The following AAMP variants were observed in gnomAD, a reference collection of about 807,000 sequenced individuals.
The protein encoded by AAMP is angio-associated migratory cell protein.
In AAMP, 12 loss-of-function variants were observed where a neutral mutation model predicts 51.1. The observed-to-expected ratio is 0.23, with a 90% CI of 0.15 to 0.38. The LOEUF (loss-of-function observed/expected upper bound fraction) is 0.38. Ranked by LOEUF, AAMP falls within the 10% of genes least tolerant of loss-of-function variation. AAMP has a pLI of 1.00. For missense variants in AAMP, 418 were observed against 557.2 expected (o/e 0.75, Z 2.52); for synonymous variants, 210 against 218.7 (o/e 0.96, Z 0.35).
At position 218,265,659 on chromosome 2, in the gene AAMP, C is replaced by T; in HGVS notation, c.903G>A (p.Glu301=). The T allele has an allele frequency of 6.2e-7, 1 of 1,613,348 alleles. No individual in the cohort carries two copies. ...TGKVVGVFRP[E]TVASQPSLGE... ...CCAGGCTGGGCTGGGAGGCCACAGTCTCAGGTCTAAAAACACCCACCACCT... is the reference window on the plus strand; with the variant it reads ...CCAGGCTGGGCTGGGAGGCCACAGTTTCAGGTCTAAAAACACCCACCACCT... The change falls in exon 8 of 11, where the codon GAG becomes GAA. Residue 301 remains glutamate, a synonymous_variant. Coordinates refer to ENST00000248450, the MANE Select transcript of AAMP (RefSeq NM_001087.5). The surrounding 1 kb of genome is among the most constrained non-coding windows in gnomAD (Gnocchi z 6.6).
chr2:218,264,720 G>C (rs575502832), intron 10 of AAMP, 112 bp from the exon 11 acceptor site: 2 of 969,990 alleles, frequency 2.1e-6, no homozygotes, highest in East Asian at 4.9e-5. Context: ...CTAGTGCCTA[G>C]CACTGGGCCG....
chr2:218,269,908 G>A lies in AAMP; in HGVS notation c.121+58C>T. 6 of 1,609,296 alleles carry A rather than the reference G, an allele frequency of 3.7e-6. No homozygotes were observed. The South Asian group carries it at 4.4e-5, about 12-fold the overall frequency. ...TGGAGGGGAGCGGGGAAAAGCAGGA[G>A]TCAGAGGCCAGGGGTGAGCGTCTCC... On this transcript the variant is annotated intron_variant, in intron 1 of 10. Transcript: ENST00000248450.
At chr2:218,268,026 T>C (rs1442840204) in intron 2 of AAMP, among the ~76,000 whole-genome samples, 1 of 152,178 alleles carries the variant, frequency 6.6e-6, no homozygotes, top group Non-Finnish European at 1.5e-5. Flanking sequence ...TGGAGTGCAG[T>C]GGCACAATCT....
Position 218,267,018 on chromosome 2 carries a change from A to G in AAMP, c.395-32T>C. 6.2e-7 allele frequency: 1 copy of G among 1,609,794 alleles called. No homozygotes were observed. The highest frequency in any genetic ancestry group is 2.2e-5 in the East Asian group (1 of 44,752). ...AGAAAAGTGGGCAGAAAACAGAGGAAAAAAATAGGGTACCTGGTGCTGGGG... is the reference window on the plus strand; with the variant it reads ...AGAAAAGTGGGCAGAAAACAGAGGAGAAAAATAGGGTACCTGGTGCTGGGG... On this transcript the variant is annotated intron_variant, in intron 3 of 10. Coordinates refer to ENST00000248450, the MANE Select transcript of AAMP (RefSeq NM_001087.5). This position sits in a 1 kb window ranked among gnomAD's most constrained non-coding sequence, Gnocchi z 4.6.
chr2:218,270,049 G>A lies in AAMP; in HGVS notation c.38C>T (p.Thr13Ile), dbSNP rs1407808845. The change falls in exon 1 of 11, where the codon ACC becomes ATC. Residue 13 changes from threonine to isoleucine, a missense_variant. Thr to Ile is a moderately conservative substitution (Grantham distance 89). Coordinates refer to ENST00000248450, the MANE Select transcript of AAMP (RefSeq NM_001087.5). ...SESESGAAAD[T>I]PPLETLSFHG... ...GAAGCTTAGGGTCTCCAGTGGGGGGGTGTCAGCAGCAGCCCCGCTTTCCGA... is the reference window on the plus strand; with the variant it reads ...GAAGCTTAGGGTCTCCAGTGGGGGGATGTCAGCAGCAGCCCCGCTTTCCGA... The A allele has an allele frequency of 6.2e-7, 1 of 1,614,124 alleles. No individual in the cohort carries two copies. The highest frequency in any genetic ancestry group is 1.1e-5 in the South Asian group (1 of 91,084).
In AAMP at chr2:218,267,284, C is replaced by T. The variant is rs1690657403; in HGVS notation, c.394+210G>A. The T allele has an allele frequency of 1.3e-6, 1 of 771,304 alleles. No individual in the cohort carries two copies. Among genetic ancestry groups the T allele is most frequent in the Non-Finnish European group, 2.1e-6 (1 of 485,256 alleles). 47.8% of individuals were successfully genotyped at this position (771,304 alleles called of 1,614,324 possible). A position where few individuals can be genotyped will look rare whatever the true frequency, so the allele number is the denominator to read the frequency against. On this transcript the variant is annotated intron_variant, in intron 3 of 10. Coordinates refer to ENST00000248450, the MANE Select transcript of AAMP (RefSeq NM_001087.5). The surrounding 1 kb of genome is among the most constrained non-coding windows in gnomAD (Gnocchi z 4.6). ...CTATACCAATGTGGCCTTCTCTGGC[C>T]TTTCCTGGATTCCCTTGGCCAATTA...
At position 218,266,431 on chromosome 2, in the gene AAMP, A is replaced by G. The variant is rs1458274717; in HGVS notation, c.679+12T>C. The G allele has an allele frequency of 6.2e-7, 1 of 1,612,948 alleles. No homozygotes were observed. Among genetic ancestry groups the G allele is most frequent in the African/African-American group, 1.3e-5 (1 of 75,006 alleles). On this transcript the variant is annotated intron_variant, in intron 5 of 10. Coordinates refer to ENST00000248450, the MANE Select transcript of AAMP (RefSeq NM_001087.5). This position sits in a 1 kb window ranked among gnomAD's most constrained non-coding sequence, Gnocchi z 4.7. ...GCACCCAGGAAAGGTCACTCAAGGG[A>G]GGTGCTCTCACCATCAGGGAGGACT...
Position 218,266,474 on chromosome 2 carries a change from G to C in AAMP, c.648C>G (p.Cys216Trp), listed in dbSNP as rs749002829. ...GGAGGACTCGGCCACAGGTGGCTGG[G>C]CAGTTGGGACCCTGGAAGGTCTTGC... ...GDCKTFQGPN[C>W]PATCGRVLPD... The change falls in exon 5 of 11, where the codon TGC (cysteine) becomes TGG (tryptophan). Residue 216 changes from cysteine (C) to tryptophan (W), a missense_variant. By Grantham distance (215) the Cys-to-Trp change is radical. Transcript: ENST00000248450. The surrounding 1 kb of genome is among the most constrained non-coding windows in gnomAD (Gnocchi z 4.7). The C allele has an allele frequency of 1.2e-6, 2 of 1,614,116 alleles. No homozygotes were observed. Among genetic ancestry groups the C allele is most frequent in the Non-Finnish European group, 1.7e-6 (2 of 1,179,994 alleles).
Position 218,270,097 on chromosome 2 carries a change from C to A in AAMP, c.-11G>T, listed in dbSNP as rs1439578035. ...CGATTCGGACTCCATGCGGCGCAAGCGGCGGATCCACTTCTCTGGGCCCAA... is the reference window on the plus strand; with the variant it reads ...CGATTCGGACTCCATGCGGCGCAAGAGGCGGATCCACTTCTCTGGGCCCAA... On this transcript the variant is annotated 5_prime_UTR_variant, in exon 1 of 11. Transcript: ENST00000248450. 3 of 1,613,434 alleles carry A rather than the reference C, an allele frequency of 1.9e-6. No homozygotes were observed. Among genetic ancestry groups the A allele is most frequent in the Non-Finnish European group, 2.5e-6 (3 of 1,179,708 alleles).
rs745982174 is a variant in AAMP at position 218,266,600 on chromosome 2, GA to G, written c.535-14del. On this transcript the variant is annotated splice_polypyrimidine_tract_variant and intron_variant, in intron 4 of 10. Coordinates refer to ENST00000248450, the MANE Select transcript of AAMP (RefSeq NM_001087.5). This position sits in a 1 kb window ranked among gnomAD's most constrained non-coding sequence, Gnocchi z 4.7. Reference sequence around the variant, plus strand: ...GCCACTCCATCCACTGGACAGGGAGGAAGGGGCAGCAGGGAGGCCCGTCACC... The same window carrying G: ...GCCACTCCATCCACTGGACAGGGAGGAGGGGCAGCAGGGAGGCCCGTCACC... The G allele has an allele frequency of 2.5e-6, 4 of 1,607,328 alleles. No individual in the cohort carries two copies. In the South Asian group the frequency reaches 4.4e-5, roughly 18 times the overall value.
Position 218,264,275 on chromosome 2 carries a change from A to T in AAMP, c.*258T>A. The T allele has an allele frequency of 1.9e-6, 1 of 529,846 alleles. No homozygotes were observed. The highest frequency in any genetic ancestry group is 3.4e-6 in the Non-Finnish European group (1 of 294,840). The allele number at this position is 529,846 out of a possible 1,614,324, so 32.8% of individuals were successfully genotyped here. ...AAATACACACCCCATGGCTCACACC[A>T]GCAAATGAAAGTGAAAGAGAAACAG... On this transcript the variant is annotated 3_prime_UTR_variant, in exon 11 of 11. Transcript: ENST00000248450.
chr2:218,267,134 C>T lies in AAMP; in HGVS notation c.395-148G>A, dbSNP rs1167369533. 3 of 920,800 alleles carry T rather than the reference C, an allele frequency of 3.3e-6. No individual in the cohort carries two copies. Among genetic ancestry groups the T allele is most frequent in the African/African-American group, 1.7e-5 (1 of 59,690 alleles). 57.0% of individuals were successfully genotyped at this position (920,800 alleles called of 1,614,324 possible). On this transcript the variant is annotated intron_variant, in intron 3 of 10. Transcript: ENST00000248450. The surrounding 1 kb of genome is among the most constrained non-coding windows in gnomAD (Gnocchi z 4.6). ...GCAGAACAGGTGCTGGAACTCACCA[C>T]CACTCTAGGAACCAATACTCCCATG...
Position 218,265,842 on chromosome 2 carries a change from T to C in AAMP, c.868A>G (p.Thr290Ala). The part of the protein sequence containing the change: ...VDCQAKLVSA[T>A]TGKVVGVFRP... ...CCAGGTCCACTCACCTTGCCGGTGG[T>C]GGCACTGACCAGCTTGGCCTGGCAG... Residue 290 changes from threonine (T) to alanine (A), a missense_variant, in exon 7 of 11, where the codon ACC becomes GCC. Physicochemically the swap from Thr to Ala is moderately conservative, Grantham distance 58. Coordinates refer to ENST00000248450, the MANE Select transcript of AAMP (RefSeq NM_001087.5). This position sits in a 1 kb window ranked among gnomAD's most constrained non-coding sequence, Gnocchi z 6.6. The C allele has an allele frequency of 6.2e-7, 1 of 1,612,624 alleles. No homozygotes were observed. Among genetic ancestry groups the C allele is most frequent in the Non-Finnish European group, 8.5e-7 (1 of 1,179,172 alleles).
Position 218,264,587 on chromosome 2 carries a change from G to T in AAMP, c.1251C>A (p.Thr417=). Residue 417 remains threonine, a synonymous_variant, in exon 11 of 11, where the codon ACC becomes ACA. Transcript: ENST00000248450. ...CTTTCGCTTTGTGGTCTCCTGACGT[G>T]GTCACCACCAGGGAGGCATCTCTGT... The part of the protein sequence containing the change: ...ALSKDASLVV[T]TSGDHKAKVF... 6.2e-7 allele frequency: 1 copy of T among 1,614,068 alleles called. No individual in the cohort carries two copies.
chr2:218,267,771 G>T lies in AAMP; in HGVS notation c.275-158C>A, dbSNP rs1281024017. ...AGTTCTTCTAAGTTTCAAGAATTGG[G>T]TTGTTAGATCCTTCCCATATTTGCC... On this transcript the variant is annotated intron_variant, in intron 2 of 10. Transcript: ENST00000248450. The surrounding 1 kb of genome is among the most constrained non-coding windows in gnomAD (Gnocchi z 4.6). Among the ~76,000 whole-genome samples the T allele has an allele frequency of 6.6e-6, 1 of 152,118 alleles. No individual in the cohort carries two copies. The highest frequency in any genetic ancestry group is 1.5e-5 in the Non-Finnish European group (1 of 68,026).
chr2:218,264,630 T>C (rs1690576818), intron 10 of AAMP, 22 bp from the exon 11 acceptor site: 11 of 1,611,268 alleles, frequency 6.8e-6, no homozygotes, highest in Non-Finnish European at 9.3e-6. Flanking sequence ...AAGCATGTGA[T>C]TGCAGAGACT....
Position 218,265,491 on chromosome 2 carries a change from A to G in AAMP, c.984-30T>C. The G allele has an allele frequency of 6.4e-7, 1 of 1,574,338 alleles. No individual in the cohort carries two copies. Among genetic ancestry groups the G allele is most frequent in the Non-Finnish European group, 8.7e-7 (1 of 1,150,826 alleles). ...CCAGAGGAGCGTACCATGAAGACTC[A>G]TGAGGGCCTGGACTCACACGCCCTG... On this transcript the variant is annotated intron_variant, in intron 8 of 10. Coordinates refer to ENST00000248450, the MANE Select transcript of AAMP (RefSeq NM_001087.5). The surrounding 1 kb of genome is among the most constrained non-coding windows in gnomAD (Gnocchi z 6.6).
In AAMP at chr2:218,265,661, C is replaced by G; in HGVS notation, c.901G>C (p.Glu301Gln). 6.2e-7 allele frequency: 1 copy of G among 1,613,302 alleles called. No homozygotes were observed. The highest frequency in any genetic ancestry group is 8.5e-7 in the Non-Finnish European group (1 of 1,180,006). Reference protein sequence around the residue: ...TGKVVGVFRPETVASQPSLGE... With the variant: ...TGKVVGVFRPQTVASQPSLGE... ...AGGCTGGGCTGGGAGGCCACAGTCT[C>G]AGGTCTAAAAACACCCACCACCTGA... The change falls in exon 8 of 11, where the codon GAG becomes CAG. Residue 301 changes from glutamate to glutamine, a missense_variant. By Grantham distance (29) the Glu-to-Gln change is conservative. Transcript: ENST00000248450. The surrounding 1 kb of genome is among the most constrained non-coding windows in gnomAD (Gnocchi z 6.6).
In AAMP at chr2:218,264,157, T is replaced by A. The variant is rs1048034556; in HGVS notation, c.*376A>T. On this transcript the variant is annotated 3_prime_UTR_variant, in exon 11 of 11. Transcript: ENST00000248450. ...GGGAAGTATATTTTATTTACATTTTTAAAATCTTTAACTAGTATCTCTTCC... is the reference window on the plus strand; with the variant it reads ...GGGAAGTATATTTTATTTACATTTTAAAAATCTTTAACTAGTATCTCTTCC... The A allele has an allele frequency of 3.0e-6, 1 of 332,618 alleles. No homozygotes were observed. 20.6% of individuals were successfully genotyped at this position (332,618 alleles called of 1,614,324 possible).
Sources: gnomAD v4.1 joint callset for allele counts (sites outside exome capture counted in the v4.1 genomes callset) on GRCh38, gnomAD v4.1.1 for gene constraint, Gnocchi (gnomAD v3.1) non-coding constraint, MANE v1.5 for transcripts, NCBI Gene and HGNC (gene_info 2026-07-23, HGNC 2026-07-21) for gene names.